The following TRIOBP variants were observed in gnomAD, a reference collection of about 807,000 sequenced individuals.
TRIOBP encodes TRIO and F-actin-binding protein.
A neutral mutation model predicts 238.8 loss-of-function variants in TRIOBP; 169 were observed. That is an observed-to-expected ratio of 0.71 (90% CI 0.62 to 0.80). TRIOBP has a LOEUF of 0.80. Among genes scored for constraint, TRIOBP ranks in the 30% least tolerant of loss-of-function variants. The pLI, the probability that TRIOBP is intolerant of heterozygous loss-of-function variation, is 0.00. For synonymous variants in TRIOBP, 1,150 were observed against 1,274.4 expected (o/e 0.90, Z 2.08); for missense variants, 2,838 against 3,122.6 (o/e 0.91, Z 2.17).
At chr22:37,759,766 G>T in intron 17 of TRIOBP, 1 of 1,395,182 alleles carries the variant, frequency 7.2e-7, no homozygotes. Flanking sequence ...TCTCAACGGG[G>T]TCCATTTTGT....
At chr22:37,732,509 C>CAAAAAAAAAA (rs36003951) in intron 7 of TRIOBP, among the ~76,000 whole-genome samples, 3 of 99,856 alleles carry the variant, frequency 3.0e-5, no homozygotes, top group African/African-American at 1.2e-4. Flanking sequence ...GACTCCATCT[C>CAAAAAAAAAA]AAAAAAAAAA....
In TRIOBP at chr22:37,714,632, C is replaced by T. The variant is rs1923424979; in HGVS notation, c.457-1131C>T. On this transcript the variant is annotated intron_variant, in intron 5 of 23. Transcript: ENST00000644935. ...GAGCTTAGATTGCACCATTGCACTC[C>T]AGCCTGGGCAACAAGAGCAAAACTC... 2.0e-5 allele frequency among the ~76,000 whole-genome samples: 3 copies of T among 152,100 alleles called. No homozygotes were observed. In the South Asian group the frequency reaches 6.2e-4, roughly 32 times the overall value.
At position 37,725,718 on chromosome 22, in the gene TRIOBP, C is replaced by A. The variant is rs201335206; in HGVS notation, c.3162C>A (p.His1054Gln). ...PRAPESEPPH[H>Q]EPPYIPPAVC... ...CCCCTGAGAGTGAACCGCCCCACCA[C>A]GAGCCTCCCTATATACCACCTGCTG... is the stretch of plus-strand genomic sequence containing the variant. The change falls in exon 7 of 24, where the codon CAC becomes CAA. Residue 1054 changes from histidine (H) to glutamine (Q), a missense_variant. Coordinates refer to ENST00000644935, the MANE Select transcript of TRIOBP (RefSeq NM_001039141.3). 2.5e-6 allele frequency: 4 copies of A among 1,613,268 alleles called. No individual in the cohort carries two copies. Among genetic ancestry groups the A allele is most frequent in the Non-Finnish European group, 3.4e-6 (4 of 1,179,910 alleles).
Position 37,740,907 on chromosome 22 carries a change from C to A in TRIOBP, c.5197C>A (p.Pro1733Thr), listed in dbSNP as rs1924901304. The A allele has an allele frequency of 6.4e-7, 1 of 1,574,146 alleles. No homozygotes were observed. The change falls in exon 11 of 24, where the codon CCA becomes ACA. Residue 1733 changes from proline (P) to threonine (T), a missense_variant. By Grantham distance (38) the Pro-to-Thr change is conservative. Transcript: ENST00000644935. ...QKQADSADKR[P>T]AEGKAGSPLK... ...CCCTGTTTGACAGGCAGACAAGAGG[C>A]CAGCAGAGGGCAAGGCTGGGAGCCC...
intron 7 of TRIOBP, among the ~76,000 whole-genome samples, chr22:37,728,469 C>T (rs536876077): frequency 7.9e-5 from 12 of 152,054 alleles, no homozygotes; most frequent in Non-Finnish European, 1.5e-4. Flanking sequence ...ATCTCTTGTT[C>T]TTCAAATTTC....
chr22:37,759,817 G>A, intron 17 of TRIOBP: 1 of 1,297,510 alleles, frequency 7.7e-7, no homozygotes, highest in Non-Finnish European at 9.9e-7. Context: ...AATACTTCTG[G>A]TTGTCACAAC....
chr22:37,754,788 C>G, intron 12 of TRIOBP, 89 bp from the exon 13 acceptor site: 1 of 1,365,816 alleles, frequency 7.3e-7, no homozygotes, highest in Non-Finnish European at 1.0e-6. Context: ...CTCCCCACCC[C>G]TCCTGTGTGC....
chr22:37,717,540 C>G (rs1425594104), intron 6 of TRIOBP, among the ~76,000 whole-genome samples: 1 of 152,160 alleles, frequency 6.6e-6, no homozygotes, highest in Non-Finnish European at 1.5e-5. Context: ...CTCCACATCC[C>G]CACTAGATTA....
At chr22:37,717,981 C>T (rs1923617207) in intron 6 of TRIOBP, among the ~76,000 whole-genome samples, 1 of 152,218 alleles carries the variant, frequency 6.6e-6, no homozygotes, top group Non-Finnish European at 1.5e-5. Context: ...CCGAGCCCTG[C>T]CCGGTGGGAA....
At chr22:37,697,827 C>T (rs1391516251) in intron 2 of TRIOBP, 131 bp downstream of exon 2, 1 of 152,232 alleles carries the variant, frequency 6.6e-6, no homozygotes, top group Non-Finnish European at 1.5e-5. Context: ...TTAAGTGATT[C>T]TCCTGACCCA....
At position 37,751,815 on chromosome 22, in the gene TRIOBP, A is replaced by T. The variant is rs1241586377; in HGVS notation, c.5366A>T (p.Asp1789Val). The change falls in exon 12 of 24, where the codon GAC (aspartate) becomes GTC (valine). Residue 1789 changes from aspartate to valine, a missense_variant. Asp to Val is a radical substitution (Grantham distance 152, BLOSUM62 -3). Transcript: ENST00000644935. The stretch of plus-strand genomic sequence containing the variant: ...AAGAAGGGATGGATGTCGATCTTGG[A>T]CGAGCCTGGAGAGGTAAGAGGACTG... Reference protein sequence around the residue: ...NFKKGWMSILDEPGEPPSPSL... With the variant: ...NFKKGWMSILVEPGEPPSPSL... 6.2e-7 allele frequency: 1 copy of T among 1,613,750 alleles called. No homozygotes were observed. The highest frequency in any genetic ancestry group is 1.3e-5 in the African/African-American group (1 of 74,840).
At chr22:37,754,566 C>T (rs148027902) in intron 12 of TRIOBP, among the ~76,000 whole-genome samples, 8 of 152,298 alleles carry the variant, frequency 5.3e-5, no homozygotes, top group South Asian at 2.1e-4. Context: ...GTCCTGGCCC[C>T]GCTGAGTCCC....
intron 3 of TRIOBP, among the ~76,000 whole-genome samples, chr22:37,705,204 A>C (rs1001155039): frequency 2.0e-5 from 3 of 152,088 alleles, no homozygotes; most frequent in Non-Finnish European, 4.4e-5. Flanking sequence ...GTGAAACCCC[A>C]TCTCTATTAA....
Position 37,765,670 on chromosome 22 carries a change from G to A in TRIOBP, c.6325G>A (p.Glu2109Lys), listed in dbSNP as rs1368916505. ...GHIPPGYISQ[E>K]ACERSLAEME... is the part of the protein sequence containing the mutation. ...TGACACCCTGGCGTCCGGCCCACAG[G>A]AGGCATGTGAGCGCAGCCTGGCAGA... Residue 2109 changes from glutamate (E) to lysine (K), a missense_variant and splice_region_variant, in exon 18 of 24, where the codon GAG (glutamate) becomes AAG (lysine). Transcript: ENST00000644935. 6.5e-7 allele frequency: 1 copy of A among 1,550,016 alleles called. No individual in the cohort carries two copies. Among genetic ancestry groups the A allele is most frequent in the Non-Finnish European group, 8.7e-7 (1 of 1,147,152 alleles).
At chr22:37,717,912 C>T (rs150852045) in intron 6 of TRIOBP, among the ~76,000 whole-genome samples, 3,504 of 152,290 alleles carry the variant, frequency 0.023, 85 homozygotes, top group African/African-American at 0.057. Context: ...CGGGGAGGCT[C>T]GGGCTGCACA....
At chr22:37,704,337 C>T (rs1051322496) in intron 3 of TRIOBP, among the ~76,000 whole-genome samples, 3 of 151,846 alleles carry the variant, frequency 2.0e-5, no homozygotes, top group South Asian at 2.1e-4. Context: ...GAGCCGTGAT[C>T]GCATTACTGT....
chr22:37,762,345 TGTG>T (rs1926286715), intron 17 of TRIOBP, among the ~76,000 whole-genome samples: 2 of 152,182 alleles, frequency 1.3e-5, no homozygotes, highest in Non-Finnish European at 2.9e-5. Flanking sequence ...GGGGTACAAG[TGTG>T]ACCACTGCAC....
chr22:37,703,541 G>A lies in TRIOBP; in HGVS notation c.114+2062G>A, dbSNP rs1488345607. ...TTTTTTTGAGACAGAGTCTCGTTCT[G>A]TTGCCCAGGCTGGAGTACAGTGGTG... On this transcript the variant is annotated intron_variant, in intron 3 of 23. Coordinates refer to ENST00000644935, the MANE Select transcript of TRIOBP (RefSeq NM_001039141.3). 1.0e-4 allele frequency among the ~76,000 whole-genome samples: 13 copies of A among 128,062 alleles called. No individual in the cohort carries two copies. In the East Asian group the frequency reaches 2.5e-3, roughly 25 times the overall value. 84.0% of individuals were successfully genotyped at this position (128,062 alleles called of 152,430 possible).
chr22:37,720,972 C>A (rs949695485), intron 6 of TRIOBP, among the ~76,000 whole-genome samples: 3 of 152,134 alleles, frequency 2.0e-5, no homozygotes, highest in African/African-American at 7.2e-5. Flanking sequence ...ATTCTCCAGC[C>A]TCTGCCTCCC....
Sources: gnomAD v4.1 joint callset for allele counts (sites outside exome capture counted in the v4.1 genomes callset) on GRCh38, gnomAD v4.1.1 for gene constraint, MANE v1.5 for transcripts, NCBI Gene and HGNC (gene_info 2026-07-23, HGNC 2026-07-21) for gene names.